SYT16: variants seen among roughly 807,000 people sequenced by gnomAD.
The protein encoded by SYT16 is synaptotagmin 16.
A neutral mutation model predicts 61.4 loss-of-function variants in SYT16; 42 were observed. The ratio of observed to expected loss-of-function variants is 0.68; its 90% CI spans 0.53 to 0.89. The LOEUF is 0.89. Among genes scored for constraint, SYT16 ranks in the 40% least tolerant of loss-of-function variants. SYT16 has a pLI of 0.00. For synonymous variants in SYT16, 314 were observed against 302.3 expected, an observed-to-expected ratio of 1.04 and a Z score of -0.40; for missense variants, 804 against 807.3, an observed-to-expected ratio of 1.00 and a Z score of 0.05.
At chr14:61,951,027 G>T (rs1453054136) in intron 1 of SYT16, among the ~76,000 whole-genome samples, 1 of 152,110 alleles carries the variant, frequency 6.6e-6, no homozygotes, top group Non-Finnish European at 1.5e-5. Context: ...TACCTAAATG[G>T]TTGTTTGTGA....
intron 3 of SYT16, among the ~76,000 whole-genome samples, chr14:62,054,362 T>TGTG (rs200921829): frequency 1.5e-5 from 1 of 65,046 alleles, no homozygotes. Context: ...TGAAGTGAGT[T>TGTG]TTTTTTTTTT....
intron 1 of SYT16, among the ~76,000 whole-genome samples, chr14:61,838,533 C>T (rs924506472): frequency 6.6e-6 from 1 of 152,182 alleles, no homozygotes; most frequent in Non-Finnish European, 1.5e-5. Flanking sequence ...CAGGTGGGAA[C>T]GAGGTCTGTG....
At chr14:62,077,537 T>A (rs926346835) in intron 5 of SYT16, 2 of 152,196 alleles carry the variant, frequency 1.3e-5, no homozygotes, top group Non-Finnish European at 2.9e-5. Context: ...TTTCCACTGA[T>A]TAATTGGTTG....
chr14:61,873,506 A>G (rs1566642713), intron 1 of SYT16, among the ~76,000 whole-genome samples: 1 of 152,214 alleles, frequency 6.6e-6, no homozygotes, highest in Admixed American at 6.5e-5. Flanking sequence ...CATTGGCCAC[A>G]GAGCTTGATG....
chr14:62,012,010 AAC>A (rs1351921513), intron 3 of SYT16, among the ~76,000 whole-genome samples: 74 of 117,056 alleles, frequency 6.3e-4, no homozygotes, highest in African/African-American at 9.0e-4. Flanking sequence ...TTAAAAAAAA[AAC>A]AACCTCTCAT....
At chr14:62,058,443 C>T (rs976311293) in intron 3 of SYT16, among the ~76,000 whole-genome samples, 10 of 151,070 alleles carry the variant, frequency 6.6e-5, no homozygotes, top group Admixed American at 1.3e-4. Flanking sequence ...CTGCAACCTC[C>T]GCGTCCCAGG....
intron 1 of SYT16, among the ~76,000 whole-genome samples, chr14:61,828,276 C>T (rs2045834908): frequency 6.6e-6 from 1 of 152,222 alleles, no homozygotes; most frequent in East Asian, 1.9e-4. Flanking sequence ...AATACACATA[C>T]TTTTTGCCTT....
chr14:61,875,515 G>T (rs1190667661), intron 1 of SYT16, among the ~76,000 whole-genome samples: 3 of 152,138 alleles, frequency 2.0e-5, no homozygotes, highest in African/African-American at 7.2e-5. Flanking sequence ...CTCATGTAAG[G>T]TTTTTGGTTG....
intron 1 of SYT16, among the ~76,000 whole-genome samples, chr14:61,845,128 A>T (rs1217560859): frequency 6.8e-6 from 1 of 147,002 alleles, no homozygotes; most frequent in African/African-American, 2.6e-5. Context: ...GCTCACTGCA[A>T]CCTCTACCTC....
At chr14:62,088,105 C>A (rs535824914) in intron 7 of SYT16, among the ~76,000 whole-genome samples, 1 of 152,094 alleles carries the variant, frequency 6.6e-6, no homozygotes, top group South Asian at 2.1e-4. Context: ...CTAGCAGTTA[C>A]GTTCTTGGGC....
intron 3 of SYT16, among the ~76,000 whole-genome samples, chr14:62,011,905 A>ACACACACACACACG (rs61455578): frequency 1.1e-5 from 1 of 93,254 alleles, no homozygotes; most frequent in African/African-American, 6.6e-5. Flanking sequence ...ACACACACAC[A>ACACACACACACACG]TATATATACA....
intron 2 of SYT16, among the ~76,000 whole-genome samples, chr14:61,979,862 C>G (rs2051993106): frequency 6.6e-6 from 1 of 151,908 alleles, no homozygotes; most frequent in South Asian, 2.1e-4. Flanking sequence ...AGCCTGGCGA[C>G]AGAGCGAGAC....
At chr14:61,999,939 AAATT>A (rs1218249528) in intron 3 of SYT16, among the ~76,000 whole-genome samples, 1 of 151,666 alleles carries the variant, frequency 6.6e-6, no homozygotes, top group African/African-American at 2.4e-5. Context: ...TAGTTTTTAA[AAATT>A]AATTAAGGTT....
intron 7 of SYT16, among the ~76,000 whole-genome samples, chr14:62,088,766 G>A (rs1179979736): frequency 3.9e-5 from 6 of 152,156 alleles, no homozygotes; most frequent in East Asian, 1.9e-4. Flanking sequence ...TAAAACAATC[G>A]AAAACTTAAG....
intron 1 of SYT16, among the ~76,000 whole-genome samples, chr14:61,937,061 C>T (rs1012575874): frequency 7.2e-5 from 11 of 152,200 alleles, no homozygotes; most frequent in African/African-American, 1.9e-4. Flanking sequence ...GTGCCAGGAA[C>T]GGTGCTATCA....
intron 1 of SYT16, among the ~76,000 whole-genome samples, chr14:61,887,068 T>C (rs778566194): frequency 6.6e-6 from 1 of 152,148 alleles, no homozygotes; most frequent in African/African-American, 2.4e-5. Context: ...ATAATAATAC[T>C]TGAAAATTGA....
intron 2 of SYT16, among the ~76,000 whole-genome samples, chr14:61,977,620 A>T (rs144631147): frequency 0.031 from 4,670 of 152,206 alleles, 99 homozygotes; most frequent in South Asian, 0.075. Context: ...CCCTTGACAC[A>T]TGGGGATTAC....
intron 1 of SYT16, among the ~76,000 whole-genome samples, chr14:61,828,037 A>G (rs538699775): frequency 6.6e-6 from 1 of 152,198 alleles, no homozygotes; most frequent in Non-Finnish European, 1.5e-5. Flanking sequence ...CCCCAATTCA[A>G]TATGACTAGT....
chr14:61,997,157 A>G (rs535203954), intron 3 of SYT16, among the ~76,000 whole-genome samples: 14 of 152,224 alleles, frequency 9.2e-5, no homozygotes, highest in African/African-American at 3.4e-4. Flanking sequence ...TGTATATTGA[A>G]TATGATAAAA....
Sources: gnomAD v4.1 joint callset for allele counts (sites outside exome capture counted in the v4.1 genomes callset) on GRCh38, gnomAD v4.1.1 for gene constraint, MANE v1.5 for transcripts, NCBI Gene and HGNC (gene_info 2026-07-23, HGNC 2026-07-21) for gene names.